Variants in CYP4F3 observed in about 807,000 individuals in gnomAD.
CYP4F3 encodes cytochrome P450 family 4 subfamily F member 3.
CYP4F3 carries 50 observed loss-of-function variants against 54.8 expected under a neutral mutation model. That is an observed-to-expected ratio of 0.91 (90% confidence interval 0.73 to 1.16). The LOEUF is 1.16. Ranked by LOEUF, CYP4F3 falls within the 50% of genes most tolerant of loss-of-function variation. The pLI is 0.00. For synonymous variants in CYP4F3, 244 were observed against 262.6 expected, an observed-to-expected ratio of 0.93 and a Z score of 0.69; for missense variants, 715 against 676.2, an observed-to-expected ratio of 1.06 and a Z score of -0.64.
At chr19:15,656,492 T>A (rs937073730) in intron 9 of CYP4F3, among the ~76,000 whole-genome samples, 2 of 71,672 alleles carry the variant, frequency 2.8e-5, no homozygotes, top group Non-Finnish European at 4.9e-5. Flanking sequence ...TATCTATCTA[T>A]CTATCTATCT....
intron 9 of CYP4F3, among the ~76,000 whole-genome samples, chr19:15,654,744 A>T (rs1172980667): frequency 6.6e-6 from 1 of 152,214 alleles, no homozygotes; most frequent in Non-Finnish European, 1.5e-5. Context: ...CATTTTCTTT[A>T]TACATTCATC....
At chr19:15,652,698 G>A (rs1599902033) in intron 8 of CYP4F3, 63 bp downstream of exon 8, 5 of 1,612,630 alleles carry the variant, frequency 3.1e-6, no homozygotes, top group Middle Eastern at 1.7e-4. Context: ...GAACAGGGTG[G>A]GTGGACCCCT....
At chr19:15,645,107 C>A (rs1599881406) in intron 2 of CYP4F3, among the ~76,000 whole-genome samples, 1 of 152,184 alleles carries the variant, frequency 6.6e-6, no homozygotes, top group African/African-American at 2.4e-5. Flanking sequence ...TTTTTCCACG[C>A]CACTTTTGCT....
Position 15,659,239 on chromosome 19 carries a change from T to A in CYP4F3, c.1417T>A (p.Phe473Ile), listed in dbSNP as rs1185916674. The A allele has an allele frequency of 4.3e-6, 7 of 1,610,592 alleles. No individual in the cohort carries two copies. Among genetic ancestry groups the A allele is most frequent in the Non-Finnish European group, 5.9e-6 (7 of 1,179,186 alleles). ...AGPRNCIGQA[F>I]AMAEMKVVLG... is the part of the protein sequence containing the mutation. ...CCCAAGGAACTGCATCGGGCAGGCGTTCGCGATGGCGGAGATGAAGGTGGT... is the reference window on the plus strand; with the variant it reads ...CCCAAGGAACTGCATCGGGCAGGCGATCGCGATGGCGGAGATGAAGGTGGT... Residue 473 changes from phenylalanine (F) to isoleucine (I), a missense_variant, in exon 13 of 13, where the codon TTC becomes ATC. By Grantham distance (21) the Phe-to-Ile change is conservative (BLOSUM62 0). Transcript: ENST00000221307.
chr19:15,648,670 A>G (rs1972699072), intron 5 of CYP4F3, among the ~76,000 whole-genome samples: 1 of 152,192 alleles, frequency 6.6e-6, no homozygotes, highest in Non-Finnish European at 1.5e-5. Context: ...ATACGAGTAT[A>G]TATTGTCTAA....
intron 2 of CYP4F3, 74 bp downstream of exon 2, chr19:15,641,687 G>A (rs117987923): frequency 0.016 from 17,889 of 1,152,316 alleles, 237 homozygotes; most frequent in Non-Finnish European, 0.018. Flanking sequence ...TGAGGCTCAG[G>A]TGAGAGGGGG....
At chr19:15,650,808 C>CTCTTTCTT (rs754901864) in intron 7 of CYP4F3, among the ~76,000 whole-genome samples, 245 of 12,938 alleles carry the variant, frequency 0.019, 37 homozygotes, top group Middle Eastern at 0.038. Flanking sequence ...TCTCTCTCTT[C>CTCTTTCTT]TCTTTCTTTC....
chr19:15,642,826 CAGAT>C lies in CYP4F3; in HGVS notation c.198+1227_198+1230del, dbSNP rs555179994. Among the ~76,000 whole-genome samples the C allele has an allele frequency of 1.9e-3, 288 of 150,548 alleles. 1 individual carries two copies. The highest frequency in any genetic ancestry group is 7.2e-3 in the Middle Eastern group (2 of 276). ...CTGGATAAGTAGGTGGGTAGATAGACAGATAGATAGATAGATAACAGGATAGATG... is the reference window on the plus strand; with the variant it reads ...CTGGATAAGTAGGTGGGTAGATAGACAGATAGATAGATAACAGGATAGATG... On this transcript the variant is annotated intron_variant, in intron 2 of 12. Coordinates refer to ENST00000221307, the MANE Select transcript of CYP4F3 (RefSeq NM_000896.3).
intron 2 of CYP4F3, among the ~76,000 whole-genome samples, chr19:15,644,432 C>A (rs115200025): frequency 6.7e-4 from 102 of 152,312 alleles, no homozygotes; most frequent in African/African-American, 2.3e-3. Flanking sequence ...CTGGGGCAGG[C>A]TGGAAGCCTT....
Position 15,641,432 on chromosome 19 carries a change from T to C in CYP4F3, c.17T>C (p.Leu6Pro). 6.2e-7 allele frequency: 1 copy of C among 1,614,200 alleles called. No homozygotes were observed. The highest frequency in any genetic ancestry group is 8.5e-7 in the Non-Finnish European group (1 of 1,180,038). Residue 6 changes from leucine (L) to proline (P), a missense_variant, in exon 2 of 13, where the codon CTG becomes CCG. Leu to Pro is a moderately conservative substitution (Grantham distance 98). Coordinates refer to ENST00000221307, the MANE Select transcript of CYP4F3 (RefSeq NM_000896.3). Reference protein sequence around the residue: MPQLSLSSLGLWPMAA... With the variant: MPQLSPSSLGLWPMAA... ...CCCTGCAGGATGCCACAGCTGAGCC[T>C]GTCCTCGCTGGGCCTTTGGCCAATG...
At chr19:15,647,393 T>A (rs1373658024) in intron 5 of CYP4F3, 69 bp downstream of exon 5, 1 of 1,598,092 alleles carries the variant, frequency 6.3e-7, no homozygotes, top group Non-Finnish European at 8.5e-7. Context: ...AGATCTAGTC[T>A]GGAATTTTGG....
intron 2 of CYP4F3, 124 bp from the exon 3 acceptor site, chr19:15,645,595 C>A: frequency 7.6e-7 from 1 of 1,316,466 alleles, no homozygotes; most frequent in Non-Finnish European, 1.0e-6. Context: ...GGGGGCTCAG[C>A]ACTGAGAGGG....
At chr19:15,650,856 TTC>T (rs1568398543) in intron 7 of CYP4F3, among the ~76,000 whole-genome samples, 1 of 42,212 alleles carries the variant, frequency 2.4e-5, no homozygotes. Flanking sequence ...CTTTCTTTCT[TTC>T]TTTCTTTCTT....
At chr19:15,645,062 C>A (rs542364240) in intron 2 of CYP4F3, among the ~76,000 whole-genome samples, 2 of 152,352 alleles carry the variant, frequency 1.3e-5, no homozygotes, top group African/African-American at 2.4e-5. Flanking sequence ...TTTCTCCACG[C>A]CACTTTTGGC....
chr19:15,654,200 C>A (rs1328686192), intron 9 of CYP4F3, among the ~76,000 whole-genome samples: 1 of 152,160 alleles, frequency 6.6e-6, no homozygotes, highest in Non-Finnish European at 1.5e-5. Flanking sequence ...CATTTTTATG[C>A]TTCTAAAATA....
At chr19:15,658,884 G>C in intron 12 of CYP4F3, 75 bp downstream of exon 12, 1 of 1,555,122 alleles carries the variant, frequency 6.4e-7, no homozygotes, top group Non-Finnish European at 8.8e-7. Flanking sequence ...GGGGAAAAGG[G>C]GGACATTGTA....
In CYP4F3 at chr19:15,650,870, T is replaced by TTTCTTTC. The variant is rs1972832240; in HGVS notation, c.918+688_918+689insTCTTTCT. Among the ~76,000 whole-genome samples, 2 of 39,478 alleles carry TTTCTTTC rather than the reference T, an allele frequency of 5.1e-5. 1 individual carries two copies. The highest frequency in any genetic ancestry group is 4.0e-4 in the African/African-American group (2 of 5,006). 25.9% of individuals were successfully genotyped at this position (39,478 alleles called of 152,430 possible). On this transcript the variant is annotated intron_variant, in intron 7 of 12. Transcript: ENST00000221307. ...TCTTTCTTTCTTTCTTTCTTTCTTT[T>TTTCTTTC]TCTCTCTCTCTCTTTCCTTTTTTTG...
chr19:15,651,769 GT>G (rs1972863042), intron 7 of CYP4F3, among the ~76,000 whole-genome samples: 1 of 152,118 alleles, frequency 6.6e-6, no homozygotes, highest in Admixed American at 6.5e-5. Context: ...GTGTGTCTGT[GT>G]TTGTGTCTAA....
intron 9 of CYP4F3, among the ~76,000 whole-genome samples, chr19:15,653,758 GAGAGAGAGAGA>G (rs1277594603): frequency 7.0e-6 from 1 of 142,114 alleles, no homozygotes; most frequent in Non-Finnish European, 1.5e-5. Flanking sequence ...GAGAGAGAGA[GAGAGAGAGAGA>G]GAGAGAGAGA....
Sources: gnomAD v4.1 joint callset for allele counts (sites outside exome capture counted in the v4.1 genomes callset) on GRCh38, gnomAD v4.1.1 for gene constraint, MANE v1.5 for transcripts, NCBI Gene and HGNC (gene_info 2026-07-23, HGNC 2026-07-21) for gene names.